The following FIGNL2 variants were observed in gnomAD, a reference collection of about 807,000 sequenced individuals.
The protein encoded by FIGNL2 is fidgetin-like protein 2.
For synonymous variants in FIGNL2, 565 were observed against 484.0 expected (o/e 1.17, Z -2.20); for missense variants, 1,060 against 950.2 (o/e 1.12, Z -1.52).
chr12:51,847,607 G>C, intron 1 of FIGNL2: 2 of 985,108 alleles, frequency 2.0e-6, no homozygotes, highest in Non-Finnish European at 2.4e-6. Context: ...GCCGCTGGGC[G>C]CAGGGTCCAG....
chr12:51,831,929 C>T (rs1177707860), intron 1 of FIGNL2: 1 of 152,756 alleles, frequency 6.5e-6, no homozygotes, highest in Non-Finnish European at 1.5e-5. Flanking sequence ...CAGCCTCCAC[C>T]TCCCAGGCTC....
At position 51,820,912 on chromosome 12, in the gene FIGNL2, TC is replaced by T; in HGVS notation, c.1501del (p.Asp501ThrfsTer189). The stretch of plus-strand genomic sequence containing the variant: ...CGCGCCCCCTGCCGCCGCGCCGTCG[TC>T]CCGGGCGGGGAGCAGCGCCTCTAGC... ...SELEALLPAR[D>X]DGAAAGGALQ... On this transcript the variant is annotated frameshift_variant, in exon 2 of 2. Transcript: ENST00000618634. LOFTEE classifies it low-confidence loss of function (END_TRUNC). 1 of 1,331,046 alleles carries T rather than the reference TC, an allele frequency of 7.5e-7. No homozygotes were observed. The highest frequency in any genetic ancestry group is 9.5e-7 in the Non-Finnish European group (1 of 1,048,830). 82.5% of individuals were successfully genotyped at this position (1,331,046 alleles called of 1,614,324 possible).
chr12:51,845,210 T>C (rs948533669), intron 1 of FIGNL2, among the ~76,000 whole-genome samples: 10 of 152,224 alleles, frequency 6.6e-5, no homozygotes, highest in African/African-American at 1.9e-4. Context: ...CTGGGTTATA[T>C]ATGGGTTTAA....
At chr12:51,839,678 G>A (rs556440495) in intron 1 of FIGNL2, among the ~76,000 whole-genome samples, 1 of 152,290 alleles carries the variant, frequency 6.6e-6, no homozygotes, top group Admixed American at 6.5e-5. Context: ...GGCTGTTCCT[G>A]TCTCCCTCTT....
At chr12:51,832,828 A>G (rs1248291518) in intron 1 of FIGNL2, among the ~76,000 whole-genome samples, 1 of 152,206 alleles carries the variant, frequency 6.6e-6, no homozygotes, top group Non-Finnish European at 1.5e-5. Context: ...CATGCCCAAA[A>G]GTGAAACTCC....
In FIGNL2 at chr12:51,820,316, G is replaced by T; in HGVS notation, c.*136C>A. 1 of 1,152,988 alleles carries T rather than the reference G, an allele frequency of 8.7e-7. No homozygotes were observed. Among genetic ancestry groups the T allele is most frequent in the Non-Finnish European group, 1.2e-6 (1 of 849,400 alleles). 71.4% of individuals were successfully genotyped at this position (1,152,988 alleles called of 1,614,324 possible). ...TCCCACGAAAAAAAAAATATCCACC[G>T]GCAGACCCCTCCTGTCCCCGATCCC... is the stretch of plus-strand genomic sequence containing the variant. On this transcript the variant is annotated 3_prime_UTR_variant, in exon 2 of 2. Transcript: ENST00000618634.
At chr12:51,836,902 G>C (rs529860812) in intron 1 of FIGNL2, among the ~76,000 whole-genome samples, 2 of 152,206 alleles carry the variant, frequency 1.3e-5, no homozygotes, top group Admixed American at 1.3e-4. Context: ...ATGCCGGTGG[G>C]TGGGTGCGCA....
rs758008049 is a variant in FIGNL2, at chr12:51,822,176, G to C, written c.238C>G (p.Leu80Val). 171 of 1,611,690 alleles carry C rather than the reference G, an allele frequency of 1.1e-4. No homozygotes were observed. Among genetic ancestry groups the C allele is most frequent in the Non-Finnish European group, 1.4e-4 (161 of 1,179,122 alleles). The change falls in exon 2 of 2, where the codon CTG becomes GTG. Residue 80 changes from leucine (L) to valine (V), a missense_variant. Physicochemically the swap from Leu to Val is conservative, Grantham distance 32. Coordinates refer to ENST00000618634, the MANE Select transcript of FIGNL2 (RefSeq NM_001384995.1). ...VLDSPYERPALGGYSDASFLN... is the reference protein window; with the variant it reads ...VLDSPYERPAVGGYSDASFLN... ...AAGGAGGCGTCGCTGTACCCGCCCA[G>C]GGCCGGACGCTCGTAGGGAGAATCC...
At chr12:51,823,073 C>T (rs1385420039) in intron 1 of FIGNL2, among the ~76,000 whole-genome samples, 1 of 152,176 alleles carries the variant, frequency 6.6e-6, no homozygotes, top group South Asian at 2.1e-4. Flanking sequence ...CAGTGGCTGA[C>T]CCAGAGCATT....
intron 1 of FIGNL2, among the ~76,000 whole-genome samples, chr12:51,830,393 C>A (rs1939428805): frequency 6.6e-6 from 1 of 151,904 alleles, no homozygotes; most frequent in South Asian, 2.1e-4. Context: ...TCAATTTAGC[C>A]ATTCCACAAT....
chr12:51,830,750 T>G (rs618285), intron 1 of FIGNL2, among the ~76,000 whole-genome samples: 1 of 151,934 alleles, frequency 6.6e-6, no homozygotes, highest in Non-Finnish European at 1.5e-5. Flanking sequence ...CTTGGCCTCC[T>G]AAAGTGCTGG....
In FIGNL2 at chr12:51,821,508, G is replaced by A; in HGVS notation, c.906C>T (p.Gly302=). 6.4e-7 allele frequency: 1 copy of A among 1,559,910 alleles called. No individual in the cohort carries two copies. Among genetic ancestry groups the A allele is most frequent in the Non-Finnish European group, 8.6e-7 (1 of 1,161,770 alleles). ...CCCGGAACCCGTTGCCCCGACATTC[G>A]CCGTTGTCCGCGGCGGGGTAGGAGG... The part of the protein sequence containing the change: ...DGASYPAADN[G]ECRGNGFRAK... The change falls in exon 2 of 2, where the codon GGC becomes GGT. Residue 302 remains glycine (G), a synonymous_variant. Coordinates refer to ENST00000618634, the MANE Select transcript of FIGNL2 (RefSeq NM_001384995.1).
chr12:51,820,599 C>G lies in FIGNL2; in HGVS notation c.1815G>C (p.Ala605=). ...GGELGQLCQQ[A]AAGAGLPGLQ... Reference sequence around the variant, plus strand: ...GCCCCGGGAGGCCCGCCCCGGCCGCCGCCTGCTGGCACAGCTGCCCCAGCT... The same window carrying G: ...GCCCCGGGAGGCCCGCCCCGGCCGCGGCCTGCTGGCACAGCTGCCCCAGCT... Residue 605 remains alanine, a synonymous_variant, in exon 2 of 2, where the codon GCG becomes GCC. Coordinates refer to ENST00000618634, the MANE Select transcript of FIGNL2 (RefSeq NM_001384995.1). 6.6e-7 allele frequency: 1 copy of G among 1,525,398 alleles called. No homozygotes were observed. The highest frequency in any genetic ancestry group is 8.7e-7 in the Non-Finnish European group (1 of 1,142,976). 94.5% of individuals were successfully genotyped at this position (1,525,398 alleles called of 1,614,324 possible). A position where few individuals can be genotyped will look rare whatever the true frequency, so the allele number is the denominator to read the frequency against.
chr12:51,834,044 AATGGACAG>A (rs370422894), intron 1 of FIGNL2, among the ~76,000 whole-genome samples: 151 of 74,028 alleles, frequency 2.0e-3, no homozygotes, highest in Middle Eastern at 8.1e-3. Flanking sequence ...TGGATGGATG[AATGGACAG>A]ATGGACAGAT....
At chr12:51,829,837 G>A (rs1381812253) in intron 1 of FIGNL2, among the ~76,000 whole-genome samples, 1 of 151,502 alleles carries the variant, frequency 6.6e-6, no homozygotes, top group East Asian at 1.9e-4. Context: ...GAGGGAGAGA[G>A]GGAGGAGAAG....
chr12:51,844,469 G>A (rs1565949009), intron 1 of FIGNL2, among the ~76,000 whole-genome samples: 1 of 152,204 alleles, frequency 6.6e-6, no homozygotes, highest in Non-Finnish European at 1.5e-5. Flanking sequence ...GGGAAATGCT[G>A]GCCTCAACAG....
chr12:51,832,852 C>T (rs553710308), intron 1 of FIGNL2, among the ~76,000 whole-genome samples: 2 of 152,284 alleles, frequency 1.3e-5, no homozygotes, highest in Non-Finnish European at 1.5e-5. Flanking sequence ...CTCCCACATC[C>T]GCAACCTAGC....
At chr12:51,822,728 A>G (rs1939251306) in intron 1 of FIGNL2, among the ~76,000 whole-genome samples, 1 of 152,232 alleles carries the variant, frequency 6.6e-6, no homozygotes, top group African/African-American at 2.4e-5. Context: ...CACTCCAGCC[A>G]TGTCCTTTGC....
rs1160000548 is a variant in FIGNL2, at chr12:51,821,946, G to A, written c.468C>T (p.Pro156=). ...CCCCGCCGTAGCCGGCCGCGTACTC[G>A]GGCGCCGCCGATGGGCCCCCGCACG... ...GNACGGPSAA[P]EYAAGYGGGY... is the part of the protein sequence containing the mutation. The change falls in exon 2 of 2, where the codon CCC becomes CCT. Residue 156 remains proline, a synonymous_variant. Transcript: ENST00000618634. 20 of 1,523,012 alleles carry A rather than the reference G, an allele frequency of 1.3e-5. No homozygotes were observed. The highest frequency in any genetic ancestry group is 1.8e-5 in the Non-Finnish European group (20 of 1,135,444). 94.3% of individuals were successfully genotyped at this position (1,523,012 alleles called of 1,614,324 possible).
Sources: allele counts gnomAD v4.1 joint callset (sites outside exome capture counted in the v4.1 genomes callset), GRCh38; gene constraint gnomAD v4.1.1; transcripts MANE v1.5; gene names NCBI Gene and HGNC (gene_info 2026-07-23, HGNC 2026-07-21).